The following AFAP1L1 variants were observed in gnomAD, a reference collection of about 807,000 sequenced individuals.
The protein encoded by AFAP1L1 is actin filament-associated protein 1-like 1.
In AFAP1L1, 77 loss-of-function variants were observed where a neutral mutation model predicts 99.8. The observed-to-expected ratio is 0.77, with a 90% CI of 0.64 to 0.93. The LOEUF (loss-of-function observed/expected upper bound fraction) is 0.93, where lower values mean the gene tolerates loss of function less well. Ranked by LOEUF, AFAP1L1 falls within the 40% of genes least tolerant of loss-of-function variation. The probability of loss-of-function intolerance (pLI) is 0.00; values close to 1 mark genes in which losing one functional copy is unlikely to be tolerated. For synonymous variants in AFAP1L1, 373 were observed against 395.3 expected, an observed-to-expected ratio of 0.94 and a Z score of 0.67; for missense variants, 893 against 996.8, an observed-to-expected ratio of 0.90 and a Z score of 1.40.
intron 18 of AFAP1L1, 146 bp from the exon 19 acceptor site, chr5:149,339,861 G>T (rs1561689988): frequency 3.0e-6 from 2 of 662,948 alleles, no homozygotes; most frequent in Non-Finnish European, 5.1e-6. Flanking sequence ...ACTTACTCAG[G>T]GCCACAGAAA....
At chr5:149,283,365 T>C (rs1755578308) in intron 1 of AFAP1L1, among the ~76,000 whole-genome samples, 1 of 152,194 alleles carries the variant, frequency 6.6e-6, no homozygotes, top group Non-Finnish European at 1.5e-5. Context: ...CTGGGACACA[T>C]TGTTGATATC....
Position 149,299,641 on chromosome 5 carries a change from A to G in AFAP1L1, c.145+4A>G. ...CAGAGCCTGCAGCCCCTTCCAGGTT[A>G]GCCGCCAGCAGCCTGCCTGGAGGAG... On this transcript the variant is annotated splice_donor_region_variant and intron_variant, in intron 2 of 18. Coordinates refer to ENST00000296721, the MANE Select transcript of AFAP1L1 (RefSeq NM_152406.4). The G allele has an allele frequency of 6.2e-7, 1 of 1,614,062 alleles. No individual in the cohort carries two copies. Among genetic ancestry groups the G allele is most frequent in the Non-Finnish European group, 8.5e-7 (1 of 1,179,956 alleles).
chr5:149,306,288 C>G lies in AFAP1L1; in HGVS notation c.437-18C>G, dbSNP rs368770665. ...GCCTGCATTTCTCCAAAGTGCAGCT[C>G]TTTCTGACAACCCACAGATGGCTGC... On this transcript the variant is annotated intron_variant, in intron 5 of 18. Coordinates refer to ENST00000296721, the MANE Select transcript of AFAP1L1 (RefSeq NM_152406.4). 1.4e-5 allele frequency: 22 copies of G among 1,606,842 alleles called. No individual in the cohort carries two copies. In the African/African-American group the frequency reaches 2.1e-4, roughly 16 times the overall value.
intron 4 of AFAP1L1, 24 bp from the exon 5 acceptor site, chr5:149,302,394 G>A (rs781723452): frequency 1.3e-6 from 2 of 1,546,536 alleles, no homozygotes; most frequent in South Asian, 1.2e-5. Context: ...CGCTCCCCTA[G>A]CCCTCTTTTT....
chr5:149,288,741 C>G (rs535358934), intron 1 of AFAP1L1, among the ~76,000 whole-genome samples: 22 of 152,312 alleles, frequency 1.4e-4, no homozygotes, highest in Admixed American at 1.2e-3. Flanking sequence ...CTTCCTCTAC[C>G]CCCTCCTGTG....
intron 1 of AFAP1L1, among the ~76,000 whole-genome samples, chr5:149,286,838 A>T (rs1755697849): frequency 6.6e-6 from 1 of 152,210 alleles, no homozygotes; most frequent in African/African-American, 2.4e-5. Flanking sequence ...GACTTGCCCA[A>T]GGTCACACAA....
intron 1 of AFAP1L1, among the ~76,000 whole-genome samples, chr5:149,280,300 A>G (rs1755475635): frequency 6.6e-6 from 1 of 152,186 alleles, no homozygotes; most frequent in African/African-American, 2.4e-5. Context: ...TGCCTCGGAT[A>G]GGAGCTTCCT....
At chr5:149,290,933 G>A (rs1366349680) in intron 1 of AFAP1L1, among the ~76,000 whole-genome samples, 1 of 152,230 alleles carries the variant, frequency 6.6e-6, no homozygotes, top group Non-Finnish European at 1.5e-5. Context: ...TGCACTCAAG[G>A]AACTCAGGCT....
chr5:149,309,720 C>T (rs1756551607), intron 7 of AFAP1L1, among the ~76,000 whole-genome samples: 1 of 152,184 alleles, frequency 6.6e-6, no homozygotes, highest in Non-Finnish European at 1.5e-5. Flanking sequence ...TACATTCTGC[C>T]TCTTCCTAAA....
At chr5:149,299,454 G>A (rs556586162) in intron 1 of AFAP1L1, 55 bp from the exon 2 acceptor site, 27 of 1,599,420 alleles carry the variant, frequency 1.7e-5, no homozygotes, top group Non-Finnish European at 2.3e-5. Flanking sequence ...CGAACTCCCG[G>A]GCACAGAGCT....
At chr5:149,287,404 T>C (rs978101934) in intron 1 of AFAP1L1, among the ~76,000 whole-genome samples, 27 of 152,150 alleles carry the variant, frequency 1.8e-4, no homozygotes, top group Non-Finnish European at 2.5e-4. Flanking sequence ...TGTAAGATAC[T>C]GTCAAGATCC....
intron 15 of AFAP1L1, among the ~76,000 whole-genome samples, chr5:149,324,268 T>A (rs187117529): frequency 5.3e-5 from 8 of 150,966 alleles, no homozygotes; most frequent in Non-Finnish European, 8.9e-5. Context: ...GGCTGGGAAG[T>A]CTGAGATCAA....
Position 149,317,750 on chromosome 5 carries a change from A to C in AFAP1L1, c.1289A>C (p.Asn430Thr). The change falls in exon 12 of 19, where the codon AAC (asparagine) becomes ACC (threonine). Residue 430 changes from asparagine (N) to threonine (T), a missense_variant. Asn to Thr is a moderately conservative substitution (Grantham distance 65, BLOSUM62 0). Coordinates refer to ENST00000296721, the MANE Select transcript of AFAP1L1 (RefSeq NM_152406.4). The stretch of plus-strand genomic sequence containing the variant: ...CCAGGCTACCTGAACGTGCTGGTGA[A>C]CCAGGGCTGGAAGGAACGCTGGTGC... ...PCCGYLNVLV[N>T]QGWKERWCRL... 1.2e-6 allele frequency: 2 copies of C among 1,614,042 alleles called. No individual in the cohort carries two copies. Among genetic ancestry groups the C allele is most frequent in the Non-Finnish European group, 1.7e-6 (2 of 1,179,982 alleles).
In AFAP1L1 at chr5:149,320,226, C is replaced by G. The variant is rs922873526; in HGVS notation, c.1626-165C>G. Among the ~76,000 whole-genome samples, 4 of 152,250 alleles carry G rather than the reference C, an allele frequency of 2.6e-5. No homozygotes were observed. The highest frequency in any genetic ancestry group is 4.4e-5 in the Non-Finnish European group (3 of 68,044). On this transcript the variant is annotated intron_variant, in intron 13 of 18. Transcript: ENST00000296721. This position sits in a 1 kb window ranked among gnomAD's most constrained non-coding sequence, Gnocchi z 4.0. ...TCACATTGGTCCTGTCTGTGACGCC[C>G]TAACACAGCCCATGACACAATGCTG...
intron 1 of AFAP1L1, among the ~76,000 whole-genome samples, chr5:149,288,724 G>C (rs1044544973): frequency 6.6e-6 from 1 of 152,222 alleles, no homozygotes; most frequent in African/African-American, 2.4e-5. Flanking sequence ...CCTCAGAAGC[G>C]GGTGGCCTTC....
chr5:149,284,564 C>T (rs1755619761), intron 1 of AFAP1L1, among the ~76,000 whole-genome samples: 1 of 152,250 alleles, frequency 6.6e-6, no homozygotes. Context: ...TCCAAGTTAT[C>T]TCTGACACTT....
chr5:149,282,855 A>G (rs907462337), intron 1 of AFAP1L1, among the ~76,000 whole-genome samples: 1 of 152,206 alleles, frequency 6.6e-6, no homozygotes, highest in African/African-American at 2.4e-5. Context: ...GAGAGTGTGT[A>G]TTCAAGAGTA....
intron 18 of AFAP1L1, among the ~76,000 whole-genome samples, chr5:149,337,288 T>G (rs542155434): frequency 6.6e-6 from 1 of 152,202 alleles, no homozygotes; most frequent in South Asian, 2.1e-4. Context: ...TTTTAAAAAG[T>G]CACTTTTTAC....
chr5:149,325,119 A>C (rs1177131064), intron 15 of AFAP1L1, among the ~76,000 whole-genome samples: 1 of 152,226 alleles, frequency 6.6e-6, no homozygotes, highest in Non-Finnish European at 1.5e-5. Context: ...TAGCTGGTGA[A>C]ATTTATTAAA....
Sources: allele counts gnomAD v4.1 joint callset (sites outside exome capture counted in the v4.1 genomes callset), GRCh38; gene constraint gnomAD v4.1.1; non-coding constraint Gnocchi (gnomAD v3.1); transcripts MANE v1.5; gene names NCBI Gene and HGNC (gene_info 2026-07-23, HGNC 2026-07-21).